The following DRICH1 variants were observed in gnomAD, a reference collection of about 807,000 sequenced individuals.
The protein encoded by DRICH1 is aspartate-rich protein 1.
Under a neutral mutation model 39.5 loss-of-function variants are expected in DRICH1, and 38 were observed. The observed-to-expected ratio is 0.96, with a 90% CI of 0.74 to 1.26. The LOEUF (loss-of-function observed/expected upper bound fraction) is 1.26, where lower values mean the gene tolerates loss of function less well. Among genes scored for constraint, DRICH1 ranks in the 50% most tolerant of loss-of-function variants. The pLI is 0.00. For synonymous variants in DRICH1, 84 were observed against 99.5 expected, an observed-to-expected ratio of 0.84 and a Z score of 0.93; for missense variants, 279 against 270.4, an observed-to-expected ratio of 1.03 and a Z score of -0.22.
chr22:23,610,589 G>C (rs1001366697), intron 11 of DRICH1: 1 of 152,188 alleles, frequency 6.6e-6, no homozygotes. Flanking sequence ...CTGACTGCCC[G>C]CGGGGACTCG....
chr22:23,625,840 A>G (rs1928027515), intron 2 of DRICH1, 141 bp downstream of exon 2: 1 of 680,110 alleles, frequency 1.5e-6, no homozygotes, highest in African/African-American at 1.8e-5. Context: ...CTGCACCCAG[A>G]TCTTGCAAGA....
chr22:23,585,369 A>ACT, the DRICH1 span, among the ~76,000 whole-genome samples: 36 of 151,982 alleles, frequency 2.4e-4, no homozygotes, highest in African/African-American at 8.0e-4. Flanking sequence ...AAGCTCCTGA[A>ACT]CTCAAGATCC....
chr22:23,628,042 C>T (rs1437090101), intron 1 of DRICH1, among the ~76,000 whole-genome samples: 3 of 152,178 alleles, frequency 2.0e-5, no homozygotes, highest in African/African-American at 4.8e-5. Flanking sequence ...TGTGGGAAGA[C>T]ACAACACAGA....
chr22:23,620,642 T>C (rs773775562), intron 4 of DRICH1, 27 bp from the exon 5 acceptor site: 1 of 1,613,178 alleles, frequency 6.2e-7, no homozygotes, highest in Non-Finnish European at 8.5e-7. Context: ...GAAGATGCTA[T>C]GAGGATCAGA....
the DRICH1 span, among the ~76,000 whole-genome samples, chr22:23,593,668 G>A: frequency 6.1e-5 from 9 of 146,810 alleles, no homozygotes; most frequent in East Asian, 4.0e-4. Context: ...GCATGATGTC[G>A]CGCGCCTGTA....
intron 1 of DRICH1, among the ~76,000 whole-genome samples, chr22:23,629,047 T>C (rs1355374563): frequency 1.3e-5 from 2 of 151,986 alleles, no homozygotes. Flanking sequence ...TTGTTTTGTT[T>C]GTTTGTTTGT....
the DRICH1 span, among the ~76,000 whole-genome samples, chr22:23,591,773 G>A: frequency 6.0e-4 from 92 of 152,262 alleles, 2 homozygotes; most frequent in South Asian, 0.015. Flanking sequence ...GCGTTAAGGC[G>A]ACATGAAAAC....
At position 23,632,176 on chromosome 22, in the gene DRICH1, A is replaced by C. The variant is rs1602357717; in HGVS notation, c.-153T>G. Reference sequence around the variant, plus strand: ...GGTCCTCAGCCCTTATTCTGCCGCCACCTCCCAAACTAGCTGGTCTATGAG... The same window carrying C: ...GGTCCTCAGCCCTTATTCTGCCGCCCCCTCCCAAACTAGCTGGTCTATGAG... On this transcript the variant is annotated 5_prime_UTR_variant, in exon 1 of 12. Coordinates refer to ENST00000317749, the MANE Select transcript of DRICH1 (RefSeq NM_016449.4). The C allele has an allele frequency of 1.6e-6, 2 of 1,218,842 alleles. No individual in the cohort carries two copies. The highest frequency in any genetic ancestry group is 1.1e-6 in the Non-Finnish European group (1 of 890,662). The allele number at this position is 1,218,842 out of a possible 1,614,324, so 75.5% of individuals were successfully genotyped here.
the DRICH1 span, among the ~76,000 whole-genome samples, chr22:23,591,635 T>C: frequency 6.6e-6 from 1 of 152,032 alleles, no homozygotes; most frequent in Non-Finnish European, 1.5e-5. Flanking sequence ...CCTCAGCCAT[T>C]GTGAGGATCT....
At chr22:23,590,300 C>T in the DRICH1 span, among the ~76,000 whole-genome samples, 8 of 130,764 alleles carry the variant, frequency 6.1e-5, no homozygotes, top group East Asian at 2.1e-4. Context: ...TTTTTTGAGA[C>T]GGAGTGTTGC....
intron 6 of DRICH1, among the ~76,000 whole-genome samples, chr22:23,619,077 C>T (rs1602340411): frequency 6.9e-6 from 1 of 145,878 alleles, no homozygotes; most frequent in East Asian, 2.0e-4. Context: ...GAGGATAAGG[C>T]AGGAGAATCA....
chr22:23,619,990 G>C (rs916441863), intron 5 of DRICH1, among the ~76,000 whole-genome samples: 8 of 152,120 alleles, frequency 5.3e-5, no homozygotes, highest in Non-Finnish European at 1.0e-4. Flanking sequence ...CCACACCAAA[G>C]ACTCTGAGAT....
At chr22:23,586,554 T>C in the DRICH1 span, among the ~76,000 whole-genome samples, 3 of 152,214 alleles carry the variant, frequency 2.0e-5, no homozygotes, top group Admixed American at 2.0e-4. Context: ...TTTGTTTGTT[T>C]GTTTTTGAGA....
chr22:23,609,502 GC>G (rs1308314862), intron 11 of DRICH1, among the ~76,000 whole-genome samples: 1 of 152,144 alleles, frequency 6.6e-6, no homozygotes, highest in Non-Finnish European at 1.5e-5. Flanking sequence ...GGGGTCTTGT[GC>G]CCAGGAGAAG....
chr22:23,630,967 CA>C (rs1928352427), intron 1 of DRICH1: 1 of 152,136 alleles, frequency 6.6e-6, no homozygotes, highest in Non-Finnish European at 1.5e-5. Flanking sequence ...TGGGGCCTGT[CA>C]GGGGGCAGGG....
chr22:23,594,342 G>A, the DRICH1 span, among the ~76,000 whole-genome samples: 17 of 152,206 alleles, frequency 1.1e-4, no homozygotes, highest in Non-Finnish European at 2.2e-4. Context: ...ACCAAGGGAG[G>A]TGGATCACCT....
At position 23,632,242 on chromosome 22, in the gene DRICH1, G is replaced by A; in HGVS notation, c.-219C>T. The A allele has an allele frequency of 1.4e-6, 1 of 725,842 alleles. No individual in the cohort carries two copies. Among genetic ancestry groups the A allele is most frequent in the Non-Finnish European group, 2.2e-6 (1 of 460,456 alleles). 45.0% of individuals were successfully genotyped at this position (725,842 alleles called of 1,614,324 possible). A position where few individuals can be genotyped will look rare whatever the true frequency, so the allele number is the denominator to read the frequency against. ...TCTTCTTTGAAAAATAAACGAACATGACAAGCACCCAAAGGTGCAAAAACT... is the reference window on the plus strand; with the variant it reads ...TCTTCTTTGAAAAATAAACGAACATAACAAGCACCCAAAGGTGCAAAAACT... On this transcript the variant is annotated 5_prime_UTR_variant, in exon 1 of 12. Coordinates refer to ENST00000317749, the MANE Select transcript of DRICH1 (RefSeq NM_016449.4).
chr22:23,583,339 T>G, the DRICH1 span: 1 of 152,036 alleles, frequency 6.6e-6, no homozygotes. Flanking sequence ...CGCCCCCGGG[T>G]GTGTCCCTGG....
At chr22:23,584,116 C>T in the DRICH1 span, among the ~76,000 whole-genome samples, 6,945 of 152,166 alleles carry the variant, frequency 0.046, 453 homozygotes, top group African/African-American at 0.15. Flanking sequence ...TGGGCTGGGC[C>T]GGGCCTCTCC....
Sources: gnomAD v4.1 joint callset for allele counts (sites outside exome capture counted in the v4.1 genomes callset) on GRCh38, gnomAD v4.1.1 for gene constraint, MANE v1.5 for transcripts, NCBI Gene and HGNC (gene_info 2026-07-23, HGNC 2026-07-21) for gene names.